PTPRD: variants seen among roughly 807,000 people sequenced by gnomAD.
PTPRD encodes receptor-type tyrosine-protein phosphatase delta.
Under a neutral mutation model 214.5 loss-of-function variants are expected in PTPRD, and 34 were observed. The ratio of observed to expected loss-of-function variants is 0.16; its 90% confidence interval spans 0.12 to 0.21. The LOEUF (loss-of-function observed/expected upper bound fraction) is 0.21, where lower values mean the gene tolerates loss of function less well. PTPRD is among the 10% of genes least tolerant of loss of function. The pLI, the probability that PTPRD is intolerant of heterozygous loss-of-function variation, is 1.00. For synonymous variants in PTPRD, 1,128 were observed against 845.7 expected, an observed-to-expected ratio of 1.33 and a Z score of -5.79; for missense variants, 2,545 against 2,398.7, an observed-to-expected ratio of 1.06 and a Z score of -1.27.
In PTPRD at chr9:9,634,862, G is replaced by A. The variant is rs568742022; in HGVS notation, c.-286-60081C>T. On this transcript the variant is annotated intron_variant, in intron 7 of 45. Transcript: ENST00000381196. ...AGCAGGGATTACAAGTTACTTTTAT[G>A]TTGAGTACTTGTGCTATTTTGAATG... Among the ~76,000 whole-genome samples the A allele has an allele frequency of 3.2e-4, 48 of 152,274 alleles. No homozygotes were observed. The South Asian group carries it at 6.0e-3, about 19-fold the overall frequency.
intron 3 of PTPRD, among the ~76,000 whole-genome samples, chr9:10,210,961 A>G (rs2099514469): frequency 6.6e-6 from 1 of 151,190 alleles, no homozygotes; most frequent in African/African-American, 2.4e-5. Context: ...ACACAATGGC[A>G]AACAGATAAA....
chr9:10,330,710 C>G (rs1403253189), intron 3 of PTPRD, among the ~76,000 whole-genome samples: 2 of 151,760 alleles, frequency 1.3e-5, no homozygotes, highest in Admixed American at 6.6e-5. Flanking sequence ...TGTTTACTCT[C>G]CAAAGGTGGA....
At chr9:9,548,527 C>G (rs1206659652) in intron 8 of PTPRD, among the ~76,000 whole-genome samples, 1 of 151,248 alleles carries the variant, frequency 6.6e-6, no homozygotes, top group Admixed American at 6.6e-5. Context: ...CCTGCTTCAG[C>G]CTCCTGGGCT....
intron 4 of PTPRD, among the ~76,000 whole-genome samples, chr9:10,032,520 C>T (rs73390231): frequency 0.032 from 4,811 of 152,176 alleles, 268 homozygotes; most frequent in African/African-American, 0.11. Context: ...GATGAGATCC[C>T]TGGGGACTCT....
intron 3 of PTPRD, among the ~76,000 whole-genome samples, chr9:10,229,351 G>A (rs906281501): frequency 6.6e-6 from 1 of 151,824 alleles, no homozygotes; most frequent in Non-Finnish European, 1.5e-5. Flanking sequence ...CCCATTACTG[G>A]GTATATACCC....
rs184704371 is a variant in PTPRD, at chr9:9,840,329, T to C, written c.-367-73478A>G. Among the ~76,000 whole-genome samples the C allele has an allele frequency of 1.2e-3, 180 of 152,278 alleles. 1 individual carries two copies. Among genetic ancestry groups the C allele is most frequent in the African/African-American group, 4.1e-3 (170 of 41,562 alleles). On this transcript the variant is annotated intron_variant, in intron 5 of 45. Coordinates refer to ENST00000381196, the MANE Select transcript of PTPRD (RefSeq NM_002839.4). ...TTTCTTATTTTTTCTAGTATATTAC[T>C]TTTAAATTTAGTTAAGGAAAACACA... is the stretch of plus-strand genomic sequence containing the variant.
chr9:9,177,406 T>C (rs2099925571), intron 10 of PTPRD, among the ~76,000 whole-genome samples: 1 of 152,144 alleles, frequency 6.6e-6, no homozygotes, highest in East Asian at 1.9e-4. Flanking sequence ...ACGACCCTAA[T>C]TGTTTTTTAG....
chr9:10,149,739 T>A (rs1028900878), intron 3 of PTPRD, among the ~76,000 whole-genome samples: 1 of 151,852 alleles, frequency 6.6e-6, no homozygotes, highest in Admixed American at 6.6e-5. Flanking sequence ...TTTTCTTTTT[T>A]TTTTTTTCTG....
Position 9,337,774 on chromosome 9 carries a change from T to A in PTPRD, c.-203+59675A>T, listed in dbSNP as rs190026018. ...ATGACCCTTTTCATTTAAATTGTTC[T>A]CTTGATAACTATATTATGAGTTATC... On this transcript the variant is annotated intron_variant, in intron 9 of 45. Transcript: ENST00000381196. Among the ~76,000 whole-genome samples, 220 of 152,318 alleles carry A rather than the reference T, an allele frequency of 1.4e-3. 2 individuals are homozygous for A. The highest frequency in any genetic ancestry group is 2.9e-3 in the Admixed American group (45 of 15,290).
At chr9:9,384,343 CTTTTTT>C (rs869246078) in intron 9 of PTPRD, among the ~76,000 whole-genome samples, 4 of 33,310 alleles carry the variant, frequency 1.2e-4, no homozygotes, top group African/African-American at 2.3e-4. Flanking sequence ...GAAGACTAGG[CTTTTTT>C]TTTTTTTTTT....
intron 4 of PTPRD, among the ~76,000 whole-genome samples, chr9:10,004,584 T>G (rs2096424759): frequency 6.6e-6 from 1 of 151,890 alleles, no homozygotes; most frequent in Middle Eastern, 3.4e-3. Flanking sequence ...ATTAAATAAT[T>G]TTAAGGTGCC....
At chr9:8,506,632 C>T (rs961388866) in intron 22 of PTPRD, among the ~76,000 whole-genome samples, 4 of 152,148 alleles carry the variant, frequency 2.6e-5, no homozygotes, top group Non-Finnish European at 5.9e-5. Flanking sequence ...AAGGCTAGCT[C>T]CAGTGCTACT....
intron 9 of PTPRD, among the ~76,000 whole-genome samples, chr9:9,335,150 G>T (rs2136890271): frequency 6.6e-6 from 1 of 152,066 alleles, no homozygotes; most frequent in African/African-American, 2.4e-5. Flanking sequence ...GATATTCCGT[G>T]TTAGCTTTGC....
At chr9:10,565,851 C>T (rs1459509336) in intron 2 of PTPRD, among the ~76,000 whole-genome samples, 1 of 151,504 alleles carries the variant, frequency 6.6e-6, no homozygotes, top group Non-Finnish European at 1.5e-5. Context: ...TGCACACACC[C>T]ACACACACAC....
intron 10 of PTPRD, among the ~76,000 whole-genome samples, chr9:9,167,260 A>T (rs2099906095): frequency 6.6e-6 from 1 of 151,150 alleles, no homozygotes; most frequent in Admixed American, 6.6e-5. Flanking sequence ...ATTTCTTAAC[A>T]CTGATGTGCT....
At chr9:8,851,961 G>T (rs1433579309) in intron 11 of PTPRD, among the ~76,000 whole-genome samples, 1 of 151,982 alleles carries the variant, frequency 6.6e-6, no homozygotes, top group Non-Finnish European at 1.5e-5. Flanking sequence ...TGCACGCATG[G>T]TTAAATGAGA....
rs200920055 is a variant in PTPRD, at chr9:10,306,262, G to A, written c.-545+34701C>T. ...ACAGGGAGGGGAACATCACATGCTG[G>A]GGCCTGTCGTGGGGTGGGGGGGGCT... On this transcript the variant is annotated intron_variant, in intron 3 of 45. Transcript: ENST00000381196. 2.7e-4 allele frequency among the ~76,000 whole-genome samples: 41 copies of A among 149,886 alleles called. No homozygotes were observed. In the East Asian group the frequency reaches 3.7e-3, roughly 14 times the overall value.
intron 2 of PTPRD, among the ~76,000 whole-genome samples, chr9:10,468,232 C>A (rs539592959): frequency 6.6e-4 from 100 of 152,066 alleles, no homozygotes; most frequent in Non-Finnish European, 1.2e-3. Context: ...TTCACAATAG[C>A]AAAACTTGTA....
intron 5 of PTPRD, among the ~76,000 whole-genome samples, chr9:9,916,895 AATG>A (rs933446011): frequency 1.8e-4 from 27 of 151,970 alleles, no homozygotes; most frequent in African/African-American, 6.0e-4. Context: ...AATAGAATAA[AATG>A]ATAACAAGAG....
Sources: gnomAD v4.1 joint callset for allele counts (sites outside exome capture counted in the v4.1 genomes callset) on GRCh38, gnomAD v4.1.1 for gene constraint, MANE v1.5 for transcripts, NCBI Gene and HGNC (gene_info 2026-07-23, HGNC 2026-07-21) for gene names.